Variants in PTPRD observed in about 807,000 individuals in gnomAD.
PTPRD encodes the protein receptor-type tyrosine-protein phosphatase delta.
PTPRD carries 34 observed loss-of-function variants against 214.5 expected under a neutral mutation model. The observed-to-expected ratio is 0.16, with a 90% CI of 0.12 to 0.21. The LOEUF is 0.21. PTPRD is among the 10% of genes least tolerant of loss of function. The pLI is 1.00. For synonymous variants in PTPRD, 1,128 were observed against 845.7 expected (o/e 1.33, Z -5.79); for missense variants, 2,545 against 2,398.7 (o/e 1.06, Z -1.27).
chr9:10,003,914 T>C (rs952222755), intron 4 of PTPRD, among the ~76,000 whole-genome samples: 1 of 151,768 alleles, frequency 6.6e-6, no homozygotes. Context: ...CTAATACAAA[T>C]TATTCAAAAT....
intron 35 of PTPRD, among the ~76,000 whole-genome samples, chr9:8,423,397 C>A (rs1192278880): frequency 6.6e-6 from 1 of 152,168 alleles, no homozygotes; most frequent in Non-Finnish European, 1.5e-5. Context: ...ATACGGCAAG[C>A]ATCTTCTGAT....
intron 21 of PTPRD, among the ~76,000 whole-genome samples, chr9:8,516,903 C>A (rs1261442394): frequency 6.6e-6 from 1 of 150,590 alleles, no homozygotes; most frequent in Non-Finnish European, 1.5e-5. Context: ...ACTCCATCTC[C>A]CAGGTTCAAG....
chr9:8,774,790 T>C (rs1033740818), intron 11 of PTPRD, among the ~76,000 whole-genome samples: 3 of 152,012 alleles, frequency 2.0e-5, no homozygotes, highest in African/African-American at 7.3e-5. Context: ...CGCCTCGGCC[T>C]CCCAAAGTGC....
chr9:9,107,220 A>G (rs1487824328), intron 10 of PTPRD, among the ~76,000 whole-genome samples: 3 of 152,200 alleles, frequency 2.0e-5, no homozygotes, highest in African/African-American at 7.2e-5. Context: ...CCAGACTTTG[A>G]AATAATCTAG....
intron 14 of PTPRD, among the ~76,000 whole-genome samples, chr9:8,632,082 G>A (rs1002251679): frequency 6.6e-6 from 1 of 150,968 alleles, no homozygotes. Flanking sequence ...GGATATATAT[G>A]TAAATAATCT....
At chr9:9,450,950 T>TACATACACAC (rs1555421721) in intron 8 of PTPRD, among the ~76,000 whole-genome samples, 2 of 136,684 alleles carry the variant, frequency 1.5e-5, no homozygotes, top group African/African-American at 2.8e-5. Context: ...CATACATACA[T>TACATACACAC]ACACACACAC....
chr9:10,511,513 C>T (rs1589771416), intron 2 of PTPRD, among the ~76,000 whole-genome samples: 1 of 151,734 alleles, frequency 6.6e-6, no homozygotes, highest in African/African-American at 2.4e-5. Flanking sequence ...ATGCAATTAC[C>T]CTGCCTCAGC....
At chr9:9,414,142 T>G (rs1057087944) in intron 8 of PTPRD, among the ~76,000 whole-genome samples, 1 of 152,246 alleles carries the variant, frequency 6.6e-6, no homozygotes, top group African/African-American at 2.4e-5. Flanking sequence ...TCAATTATCT[T>G]TTTCACATAC....
intron 10 of PTPRD, among the ~76,000 whole-genome samples, chr9:9,080,788 G>C (rs2099757854): frequency 6.6e-6 from 1 of 152,078 alleles, no homozygotes; most frequent in South Asian, 2.1e-4. Context: ...TTTGCATAGA[G>C]GTGTTTACAA....
At chr9:9,248,233 C>T (rs2099973915) in intron 9 of PTPRD, among the ~76,000 whole-genome samples, 1 of 151,890 alleles carries the variant, frequency 6.6e-6, no homozygotes, top group Non-Finnish European at 1.5e-5. Context: ...GCTGGGATTA[C>T]AGGCGCCCAC....
At chr9:9,304,389 G>C (rs1956440732) in intron 9 of PTPRD, among the ~76,000 whole-genome samples, 2 of 152,032 alleles carry the variant, frequency 1.3e-5, no homozygotes, top group Admixed American at 6.6e-5. Flanking sequence ...TTCCCATTTG[G>C]ATGTTTCCTT....
intron 7 of PTPRD, among the ~76,000 whole-genome samples, chr9:9,604,591 T>G (rs1169616339): frequency 6.6e-6 from 1 of 152,108 alleles, no homozygotes; most frequent in Non-Finnish European, 1.5e-5. Context: ...TCTTTGAACT[T>G]GAAATTTTGC....
intron 6 of PTPRD, among the ~76,000 whole-genome samples, chr9:9,753,363 G>T (rs1382145468): frequency 6.6e-6 from 1 of 151,918 alleles, no homozygotes; most frequent in East Asian, 1.9e-4. Context: ...ATTATAGCTG[G>T]ACCCGCCAGA....
At chr9:8,763,523 AG>A (rs1307702331) in intron 11 of PTPRD, among the ~76,000 whole-genome samples, 1 of 151,902 alleles carries the variant, frequency 6.6e-6, no homozygotes, top group African/African-American at 2.4e-5. Context: ...AAAAAAATAA[AG>A]GCAATAATTA....
intron 5 of PTPRD, among the ~76,000 whole-genome samples, chr9:9,879,261 G>A (rs919049136): frequency 6.6e-6 from 1 of 152,092 alleles, no homozygotes; most frequent in East Asian, 1.9e-4. Flanking sequence ...AGATAATTCT[G>A]TGTCATGAGG....
chr9:8,554,574 A>G (rs2083145985), intron 14 of PTPRD, among the ~76,000 whole-genome samples: 1 of 152,206 alleles, frequency 6.6e-6, no homozygotes, highest in South Asian at 2.1e-4. Flanking sequence ...ACTAAGTCCA[A>G]TTGTGACACA....
intron 10 of PTPRD, among the ~76,000 whole-genome samples, chr9:9,051,146 A>G (rs2099684577): frequency 6.6e-6 from 1 of 152,210 alleles, no homozygotes; most frequent in South Asian, 2.1e-4. Flanking sequence ...ATTTAACAAT[A>G]TAAGTGAGCA....
chr9:9,129,064 C>A (rs1276110022), intron 10 of PTPRD, among the ~76,000 whole-genome samples: 2 of 152,326 alleles, frequency 1.3e-5, no homozygotes, highest in Non-Finnish European at 2.9e-5. Context: ...GAGTACTGCT[C>A]TTACAAGCAG....
chr9:9,940,339 C>A (rs191848922), intron 4 of PTPRD, among the ~76,000 whole-genome samples: 2 of 152,088 alleles, frequency 1.3e-5, no homozygotes, highest in Non-Finnish European at 2.9e-5. Context: ...ATGGGACAAA[C>A]CTCACTGGAA....
Sources: allele counts gnomAD v4.1 joint callset (sites outside exome capture counted in the v4.1 genomes callset), GRCh38; gene constraint gnomAD v4.1.1; transcripts MANE v1.5; gene names NCBI Gene and HGNC (gene_info 2026-07-23, HGNC 2026-07-21).